PUM2: variants seen among roughly 807,000 people sequenced by gnomAD.
PUM2 encodes pumilio RNA binding family member 2, also known as pumilio homolog 2.
A neutral mutation model predicts 124.5 loss-of-function variants in PUM2; 57 were observed. That is an observed-to-expected ratio of 0.46 (90% CI 0.37 to 0.57). The LOEUF (loss-of-function observed/expected upper bound fraction) is 0.57, where lower values mean the gene tolerates loss of function less well. Ranked by LOEUF, PUM2 falls within the 20% of genes least tolerant of loss-of-function variation. PUM2 has a pLI of 0.00. For synonymous variants in PUM2, 460 were observed against 446.1 expected (o/e 1.03, Z -0.39); for missense variants, 1,065 against 1,290.6 (o/e 0.83, Z 2.68).
chr2:20,304,462 A>G (rs924648576), intron 7 of PUM2, among the ~76,000 whole-genome samples: 3 of 152,236 alleles, frequency 2.0e-5, no homozygotes, highest in African/African-American at 7.2e-5. Flanking sequence ...TAAAATTCAA[A>G]CACATGAAAA....
In PUM2 at chr2:20,312,225, A is replaced by G; in HGVS notation, c.348+11T>C. 1 of 1,564,450 alleles carries G rather than the reference A, an allele frequency of 6.4e-7. No homozygotes were observed. The highest frequency in any genetic ancestry group is 8.8e-7 in the Non-Finnish European group (1 of 1,142,670). ...GCAAATATTAAATATTTCTTTATTC[A>G]AAATACTTACAAAATTTCCCTTCCT... On this transcript the variant is annotated intron_variant, in intron 4 of 20. Coordinates refer to ENST00000361078, the MANE Select transcript of PUM2 (RefSeq NM_015317.5).
chr2:20,274,262 T>G (rs1421959683), intron 13 of PUM2, among the ~76,000 whole-genome samples: 1 of 152,172 alleles, frequency 6.6e-6, no homozygotes, highest in Non-Finnish European at 1.5e-5. Flanking sequence ...CTGTAACTGC[T>G]AAAGGATAAC....
chr2:20,298,536 G>A (rs960521823), intron 7 of PUM2, among the ~76,000 whole-genome samples: 7 of 152,082 alleles, frequency 4.6e-5, no homozygotes, highest in Admixed American at 3.3e-4. Flanking sequence ...CACAGCTACT[G>A]GAAAAAATTA....
intron 13 of PUM2, among the ~76,000 whole-genome samples, chr2:20,271,960 A>T (rs1446881072): frequency 6.6e-6 from 1 of 152,134 alleles, no homozygotes; most frequent in Non-Finnish European, 1.5e-5. Flanking sequence ...GGAGTTCAAG[A>T]CCAGCCTGAC....
At chr2:20,311,811 G>A (rs1366570647) in intron 4 of PUM2, 148 bp from the exon 5 acceptor site, 3 of 933,946 alleles carry the variant, frequency 3.2e-6, no homozygotes, top group Non-Finnish European at 3.0e-6. Context: ...ATTTATCAAA[G>A]GCCAAAAAAT....
At chr2:20,348,574 T>C (rs1688693660) in intron 1 of PUM2, among the ~76,000 whole-genome samples, 1 of 152,212 alleles carries the variant, frequency 6.6e-6, no homozygotes, top group Admixed American at 6.5e-5. Flanking sequence ...TGGTCATAAT[T>C]ACTTTTGTTA....
At chr2:20,328,355 A>C (rs1436495436) in intron 1 of PUM2, among the ~76,000 whole-genome samples, 1 of 152,106 alleles carries the variant, frequency 6.6e-6, no homozygotes, top group African/African-American at 2.4e-5. Flanking sequence ...AAAAAACACA[A>C]ACACACAACC....
chr2:20,323,292 C>CA (rs1211753917), intron 2 of PUM2, among the ~76,000 whole-genome samples: 1 of 151,202 alleles, frequency 6.6e-6, no homozygotes, highest in Non-Finnish European at 1.5e-5. Context: ...ACTAAAAATA[C>CA]AAAAAATTAG....
chr2:20,333,910 T>C (rs1354157064), intron 1 of PUM2, among the ~76,000 whole-genome samples: 1 of 152,142 alleles, frequency 6.6e-6, no homozygotes, highest in Non-Finnish European at 1.5e-5. Flanking sequence ...TTCTAAGATC[T>C]AGTTGTTTAA....
At chr2:20,320,769 TCAA>T (rs1443371699) in intron 2 of PUM2, among the ~76,000 whole-genome samples, 6 of 152,082 alleles carry the variant, frequency 3.9e-5, no homozygotes, top group African/African-American at 7.2e-5. Context: ...ACGTAAATAT[TCAA>T]CAAAACATAA....
Position 20,320,341 on chromosome 2 carries a change from T to C in PUM2, c.52-1696A>G, listed in dbSNP as rs191768958. On this transcript the variant is annotated intron_variant, in intron 2 of 20. Transcript: ENST00000361078. ...GAGACACCTTGGAGTCAAAAGGATCTGAATACAAATGGTGGGGAAGATAAC... is the reference window on the plus strand; with the variant it reads ...GAGACACCTTGGAGTCAAAAGGATCCGAATACAAATGGTGGGGAAGATAAC... Among the ~76,000 whole-genome samples the C allele has an allele frequency of 2.6e-5, 4 of 152,226 alleles. No individual in the cohort carries two copies. The East Asian group carries it at 7.7e-4, about 29-fold the overall frequency.
In PUM2 at chr2:20,350,335, G is replaced by A. The variant is rs1296950505; in HGVS notation, c.-19+262C>T. 1.3e-5 allele frequency: 6 copies of A among 462,774 alleles called. No homozygotes were observed. The South Asian group carries it at 4.5e-4, about 35-fold the overall frequency. 28.7% of individuals were successfully genotyped at this position (462,774 alleles called of 1,614,324 possible). ...AACCGGGTCGGCGCCCCACGCCCCCGAGGCGGCGGCCCCGCAGAGGGAAGG... is the reference window on the plus strand; with the variant it reads ...AACCGGGTCGGCGCCCCACGCCCCCAAGGCGGCGGCCCCGCAGAGGGAAGG... On this transcript the variant is annotated intron_variant, in intron 1 of 20. Coordinates refer to ENST00000361078, the MANE Select transcript of PUM2 (RefSeq NM_015317.5).
intron 5 of PUM2, among the ~76,000 whole-genome samples, chr2:20,311,166 T>C (rs1679509604): frequency 6.6e-6 from 1 of 151,072 alleles, no homozygotes; most frequent in Non-Finnish European, 1.5e-5. Flanking sequence ...AAAAAAAAAA[T>C]CAGAGTAAAC....
At chr2:20,317,170 C>A (rs554533967) in intron 3 of PUM2, among the ~76,000 whole-genome samples, 20 of 152,050 alleles carry the variant, frequency 1.3e-4, no homozygotes, top group Middle Eastern at 6.8e-3. Context: ...GCACACCAGC[C>A]TAGGCAACAG....
intron 13 of PUM2, among the ~76,000 whole-genome samples, chr2:20,266,338 G>A (rs1438482867): frequency 6.6e-6 from 1 of 151,904 alleles, no homozygotes; most frequent in African/African-American, 2.4e-5. Context: ...AGCTACTTGG[G>A]GAGGGTGAGG....
chr2:20,258,139 A>AT (rs1665258075), intron 16 of PUM2, 104 bp downstream of exon 16: 2 of 1,084,084 alleles, frequency 1.8e-6, no homozygotes, highest in South Asian at 3.8e-5. Context: ...AGTTGTGGAA[A>AT]TATTTAAGTC....
rs542833725 is a variant in PUM2 at position 20,348,274 on chromosome 2, G to A, written c.-19+2323C>T. Among the ~76,000 whole-genome samples the A allele has an allele frequency of 2.0e-5, 3 of 152,254 alleles. No homozygotes were observed. In the South Asian group the frequency reaches 6.2e-4, roughly 32 times the overall value. On this transcript the variant is annotated intron_variant, in intron 1 of 20. Transcript: ENST00000361078. ...ATTTTTATCTTAATCACACCTGTTA[G>A]TAAAATGGTCTCAAGCTGTGATTGC...
chr2:20,282,537 C>T (rs922653271), intron 12 of PUM2, among the ~76,000 whole-genome samples: 1 of 152,080 alleles, frequency 6.6e-6, no homozygotes, highest in Non-Finnish European at 1.5e-5. Flanking sequence ...AATAAACCAT[C>T]TAATAAGGAC....
chr2:20,348,009 A>C (rs970452789), intron 1 of PUM2, among the ~76,000 whole-genome samples: 1 of 152,152 alleles, frequency 6.6e-6, no homozygotes, highest in Non-Finnish European at 1.5e-5. Flanking sequence ...AACAAGTCAG[A>C]CTATTTTAAT....
Sources: gnomAD v4.1 joint callset for allele counts (sites outside exome capture counted in the v4.1 genomes callset) on GRCh38, gnomAD v4.1.1 for gene constraint, MANE v1.5 for transcripts, NCBI Gene and HGNC (gene_info 2026-07-23, HGNC 2026-07-21) for gene names.